Variants in ZNF623 observed in about 807,000 individuals in gnomAD.
The protein encoded by ZNF623 is zinc finger protein 623.
Under a neutral mutation model 24.0 loss-of-function variants are expected in ZNF623, and 16 were observed. The observed-to-expected ratio is 0.67, with a 90% CI of 0.45 to 1.01. The LOEUF (loss-of-function observed/expected upper bound fraction) is 1.01, where lower values mean the gene tolerates loss of function less well. Ranked by LOEUF, ZNF623 falls within the 50% of genes least tolerant of loss-of-function variation. The probability of loss-of-function intolerance (pLI) is 0.00; values close to 1 mark genes in which losing one functional copy is unlikely to be tolerated. For missense variants in ZNF623, 566 were observed against 606.5 expected (o/e 0.93, Z 0.70); for synonymous variants, 224 against 219.8 (o/e 1.02, Z -0.17).
chr8:143,646,276 C>CA (rs1336812825), intron 1 of ZNF623, among the ~76,000 whole-genome samples: 1 of 152,148 alleles, frequency 6.6e-6, no homozygotes, highest in Non-Finnish European at 1.5e-5. Flanking sequence ...CTCCTGGCCT[C>CA]AAGTAGTCCT....
At chr8:143,639,522 CCTGT>C (rs1477695749) in intron 1 of ZNF623, among the ~76,000 whole-genome samples, 34 of 152,240 alleles carry the variant, frequency 2.2e-4, no homozygotes. Context: ...CTGCATCTGG[CCTGT>C]CTTTTTAAAA....
rs1815324095 is a variant in ZNF623 at position 143,651,609 on chromosome 8, G to A, written c.*126G>A. On this transcript the variant is annotated 3_prime_UTR_variant, in exon 2 of 2. Coordinates refer to ENST00000526926, the MANE Select transcript of ZNF623 (RefSeq NM_001261843.2). ...GGATGGGGCTGCTTTTGCAGTGGGT[G>A]CCACCTGCCACTGTGCAGCCCTACT... The A allele has an allele frequency of 9.5e-7, 1 of 1,051,444 alleles. No homozygotes were observed. Among genetic ancestry groups the A allele is most frequent in the East Asian group, 2.5e-5 (1 of 39,298 alleles). 65.1% of individuals were successfully genotyped at this position (1,051,444 alleles called of 1,614,324 possible).
chr8:143,639,136 C>T (rs888193758), intron 1 of ZNF623, among the ~76,000 whole-genome samples: 2 of 152,058 alleles, frequency 1.3e-5, no homozygotes, highest in Non-Finnish European at 2.9e-5. Context: ...AGGTGATCTG[C>T]CTGCCTCGGC....
Position 143,651,071 on chromosome 8 carries a change from A to G in ZNF623, c.1079A>G (p.Glu360Gly). 1.2e-6 allele frequency: 2 copies of G among 1,614,166 alleles called. No homozygotes were observed. The highest frequency in any genetic ancestry group is 1.7e-6 in the Non-Finnish European group (2 of 1,180,030). ...CGACACCAGAAAATCCACACTGGAG[A>G]GAGAGTGTATGAATGTAAGGAATGT... ...LIRHQKIHTG[E>G]RVYECKECGK... Residue 360 changes from glutamate (E) to glycine (G), a missense_variant, in exon 2 of 2, where the codon GAG (glutamate) becomes GGG (glycine). Glu to Gly is a moderately conservative substitution (Grantham distance 98). Transcript: ENST00000526926.
intron 1 of ZNF623, among the ~76,000 whole-genome samples, chr8:143,642,048 C>T (rs1197026741): frequency 1.3e-5 from 2 of 152,170 alleles, no homozygotes; most frequent in East Asian, 1.9e-4. Flanking sequence ...TCTCTAGCTG[C>T]GAAAGTCCTA....
intron 1 of ZNF623, among the ~76,000 whole-genome samples, chr8:143,639,575 T>A (rs1388695829): frequency 6.6e-6 from 1 of 152,004 alleles, no homozygotes; most frequent in Non-Finnish European, 1.5e-5. Flanking sequence ...GGCTGGTCTC[T>A]AAGTCCTGAG....
chr8:143,636,581 G>T (rs1814929060), intron 1 of ZNF623, among the ~76,000 whole-genome samples: 1 of 152,192 alleles, frequency 6.6e-6, no homozygotes, highest in Non-Finnish European at 1.5e-5. Context: ...CGTTCCCGCG[G>T]CTGTGCCTGA....
At chr8:143,649,853 T>C in intron 1 of ZNF623, 45 bp from the exon 2 acceptor site, 1 of 1,581,366 alleles carries the variant, frequency 6.3e-7, no homozygotes. Context: ...GAGATCCCCA[T>C]CTGTTAAGTA....
chr8:143,648,430 C>A (rs952170529), intron 1 of ZNF623, among the ~76,000 whole-genome samples: 2 of 151,798 alleles, frequency 1.3e-5, no homozygotes, highest in Non-Finnish European at 2.9e-5. Context: ...GTAGTAGGCT[C>A]AGGGGAAGGA....
At chr8:143,649,762 A>C in intron 1 of ZNF623, 136 bp from the exon 2 acceptor site, 5 of 1,052,914 alleles carry the variant, frequency 4.7e-6, no homozygotes, top group Non-Finnish European at 6.8e-6. Flanking sequence ...AGCTGTGGGT[A>C]GCAGCATGTT....
At position 143,638,045 on chromosome 8, in the gene ZNF623, A is replaced by C. The variant is rs1010138707; in HGVS notation, c.-96+1900A>C. 3.3e-5 allele frequency among the ~76,000 whole-genome samples: 5 copies of C among 152,316 alleles called. No homozygotes were observed. The East Asian group carries it at 9.6e-4, about 29-fold the overall frequency. On this transcript the variant is annotated intron_variant, in intron 1 of 1. Transcript: ENST00000526926. ...AGTTAAGCAAAAACTGAAGATAGCT[A>C]TTTCCTTTTTGAGATAACTGTTTCT...
intron 1 of ZNF623, chr8:143,649,634 T>G (rs1244050678): frequency 4.4e-5 from 22 of 495,120 alleles, no homozygotes; most frequent in Non-Finnish European, 7.8e-5. Context: ...TCATCCAGGA[T>G]TCACTAATGG....
chr8:143,644,298 A>C (rs1815121553), intron 1 of ZNF623, among the ~76,000 whole-genome samples: 1 of 152,164 alleles, frequency 6.6e-6, no homozygotes, highest in Non-Finnish European at 1.5e-5. Flanking sequence ...GATTACAGGC[A>C]TGAGCCGCTG....
intron 1 of ZNF623, among the ~76,000 whole-genome samples, chr8:143,642,076 A>G (rs1169073877): frequency 6.6e-6 from 1 of 152,196 alleles, no homozygotes; most frequent in African/African-American, 2.4e-5. Flanking sequence ...TCTTCTTCCA[A>G]TAGAAAGCGG....
intron 1 of ZNF623, among the ~76,000 whole-genome samples, chr8:143,643,221 C>T (rs373210209): frequency 5.3e-5 from 8 of 152,292 alleles, no homozygotes; most frequent in East Asian, 1.9e-4. Context: ...GATTCTGCCA[C>T]GAAATCTGAA....
At chr8:143,642,231 C>T (rs989060273) in intron 1 of ZNF623, among the ~76,000 whole-genome samples, 14 of 152,316 alleles carry the variant, frequency 9.2e-5, no homozygotes, top group South Asian at 4.1e-4. Flanking sequence ...TTTCCTTAAA[C>T]CTCATGAACC....
chr8:143,650,381 A>C lies in ZNF623; in HGVS notation c.389A>C (p.Gln130Pro). The stretch of plus-strand genomic sequence containing the variant: ...CAGAGCTCACACCTTATGGAGCATC[A>C]GAGAATTCACACTGGAGAGAGACTC... Reference protein sequence around the residue: ...FGQSSHLMEHQRIHTGERLYV... With the variant: ...FGQSSHLMEHPRIHTGERLYV... The change falls in exon 2 of 2, where the codon CAG (glutamine) becomes CCG (proline). Residue 130 changes from glutamine (Q) to proline (P), a missense_variant. Transcript: ENST00000526926. This position sits in a 1 kb window ranked among gnomAD's most constrained non-coding sequence, Gnocchi z 5.2. 6.2e-7 allele frequency: 1 copy of C among 1,614,250 alleles called. No individual in the cohort carries two copies. The highest frequency in any genetic ancestry group is 2.2e-5 in the East Asian group (1 of 44,884).
At position 143,651,015 on chromosome 8, in the gene ZNF623, G is replaced by T; in HGVS notation, c.1023G>T (p.Gly341=). ...AACTCTATGAATGTAACGAGTGTGGGAAAGCTTTCTTTCTGAGTTCATACC... is the reference window on the plus strand; with the variant it reads ...AACTCTATGAATGTAACGAGTGTGGTAAAGCTTTCTTTCTGAGTTCATACC... ...GEKLYECNEC[G]KAFFLSSYLI... The change falls in exon 2 of 2, where the codon GGG becomes GGT. Residue 341 remains glycine (G), a synonymous_variant. Transcript: ENST00000526926. 2.5e-6 allele frequency: 4 copies of T among 1,614,204 alleles called. No individual in the cohort carries two copies. Among genetic ancestry groups the T allele is most frequent in the Non-Finnish European group, 3.4e-6 (4 of 1,180,038 alleles).
At position 143,638,018 on chromosome 8, in the gene ZNF623, A is replaced by G. The variant is rs550211063; in HGVS notation, c.-96+1873A>G. On this transcript the variant is annotated intron_variant, in intron 1 of 1. Coordinates refer to ENST00000526926, the MANE Select transcript of ZNF623 (RefSeq NM_001261843.2). ...AATTTTACTTAAATTCATACAAGAAAAAGTTAAGCAAAAACTGAAGATAGC... is the reference window on the plus strand; with the variant it reads ...AATTTTACTTAAATTCATACAAGAAGAAGTTAAGCAAAAACTGAAGATAGC... Among the ~76,000 whole-genome samples, 44 of 152,342 alleles carry G rather than the reference A, an allele frequency of 2.9e-4. 3 individuals are homozygous for G. In the South Asian group the frequency reaches 9.1e-3, roughly 32 times the overall value.
Sources: allele counts gnomAD v4.1 joint callset (sites outside exome capture counted in the v4.1 genomes callset), GRCh38; gene constraint gnomAD v4.1.1; non-coding constraint Gnocchi (gnomAD v3.1); transcripts MANE v1.5; gene names NCBI Gene and HGNC (gene_info 2026-07-23, HGNC 2026-07-21).